The following CSMD1 variants were observed in gnomAD, a reference collection of about 807,000 sequenced individuals.
The protein encoded by CSMD1 is CUB and Sushi multiple domains 1, also known as CUB and sushi domain-containing protein 1.
Under a neutral mutation model 417.5 loss-of-function variants are expected in CSMD1, and 213 were observed. The observed-to-expected ratio is 0.51, with a 90% CI of 0.46 to 0.57. CSMD1 has a LOEUF of 0.57. Among genes scored for constraint, CSMD1 ranks in the 20% least tolerant of loss-of-function variants. The pLI is 0.00. For missense variants in CSMD1, 6,923 were observed against 4,529.7 expected, an observed-to-expected ratio of 1.53 and a Z score of -15.17; for synonymous variants, 2,862 against 1,736.8, an observed-to-expected ratio of 1.65 and a Z score of -16.11.
intron 3 of CSMD1, among the ~76,000 whole-genome samples, chr8:4,076,893 G>T (rs1008906665): frequency 1.3e-5 from 2 of 152,002 alleles, no homozygotes; most frequent in South Asian, 2.1e-4. Flanking sequence ...CCAGTCTGAA[G>T]AACTACTGAA....
At chr8:3,618,086 C>G (rs1297577531) in intron 7 of CSMD1, among the ~76,000 whole-genome samples, 1 of 152,102 alleles carries the variant, frequency 6.6e-6, no homozygotes, top group Non-Finnish European at 1.5e-5. Context: ...ACTGCAGCCT[C>G]AACCTCCCAG....
At chr8:3,037,293 C>CTCCAT (rs371652197) in intron 50 of CSMD1, among the ~76,000 whole-genome samples, 25,127 of 138,694 alleles carry the variant, frequency 0.18, 2,882 homozygotes, top group Non-Finnish European at 0.25. Flanking sequence ...GCAAGCTCCG[C>CTCCAT]CTCCTGGGTT....
chr8:4,017,336 G>C (rs561763583), intron 4 of CSMD1, among the ~76,000 whole-genome samples: 1 of 151,896 alleles, frequency 6.6e-6, no homozygotes, highest in Non-Finnish European at 1.5e-5. Context: ...ACAAAGTTTC[G>C]CTCTTGTTGC....
At chr8:3,773,588 A>G (rs983929526) in intron 5 of CSMD1, among the ~76,000 whole-genome samples, 5 of 152,124 alleles carry the variant, frequency 3.3e-5, no homozygotes, top group Admixed American at 6.6e-5. Flanking sequence ...CACCCGTCCT[A>G]TAATAGGTAT....
intron 5 of CSMD1, among the ~76,000 whole-genome samples, chr8:3,980,891 T>C (rs927364125): frequency 2.6e-5 from 4 of 152,174 alleles, no homozygotes; most frequent in African/African-American, 7.2e-5. Flanking sequence ...ACTGTTTTTA[T>C]TTTCAGGCTA....
chr8:4,326,162 A>T (rs1056477290), intron 3 of CSMD1, among the ~76,000 whole-genome samples: 3 of 152,116 alleles, frequency 2.0e-5, no homozygotes, highest in African/African-American at 7.2e-5. Flanking sequence ...TGTGCCAGAG[A>T]ATTTGGCTTT....
chr8:4,940,780 G>A (rs1415939553), intron 1 of CSMD1, among the ~76,000 whole-genome samples: 3 of 151,996 alleles, frequency 2.0e-5, no homozygotes, highest in Non-Finnish European at 4.4e-5. Context: ...AAATGAGGGG[G>A]CAAAAAAATT....
chr8:4,158,002 C>A (rs1479061255), intron 3 of CSMD1, among the ~76,000 whole-genome samples: 1 of 152,124 alleles, frequency 6.6e-6, no homozygotes, highest in Admixed American at 6.5e-5. Context: ...CCCTTTCCTG[C>A]TCAACTGCCC....
chr8:3,714,375 T>C (rs1468838780), intron 6 of CSMD1, among the ~76,000 whole-genome samples: 1 of 150,794 alleles, frequency 6.6e-6, no homozygotes, highest in Admixed American at 6.6e-5. Flanking sequence ...TCACAGCAAA[T>C]GGAATTTCCA....
At chr8:4,467,415 C>G (rs367633494) in intron 2 of CSMD1, among the ~76,000 whole-genome samples, 2 of 151,614 alleles carry the variant, frequency 1.3e-5, no homozygotes, top group African/African-American at 4.9e-5. Context: ...TCTCTTTTTC[C>G]GTCTTAGACT....
At chr8:4,875,888 A>T (rs1266469578) in intron 1 of CSMD1, among the ~76,000 whole-genome samples, 6 of 152,228 alleles carry the variant, frequency 3.9e-5, no homozygotes, top group African/African-American at 1.4e-4. Context: ...CATTTAGTGA[A>T]TATTTAATTA....
At chr8:4,849,807 T>C (rs945767223) in intron 1 of CSMD1, among the ~76,000 whole-genome samples, 2 of 152,210 alleles carry the variant, frequency 1.3e-5, no homozygotes, top group African/African-American at 2.4e-5. Flanking sequence ...TTGATGAAAT[T>C]GCCTAACAAA....
In CSMD1 at chr8:3,210,045, C is replaced by T. The variant is rs111383039; in HGVS notation, c.4868-4425G>A. Among the ~76,000 whole-genome samples, 495 of 152,266 alleles carry T rather than the reference C, an allele frequency of 3.3e-3. 5 individuals carry two copies. The highest frequency in any genetic ancestry group is 0.011 in the African/African-American group (461 of 41,558). ...AATAACCAGGAAAAACATTACCCCA[C>T]GCATCTAAAACAAACTGCCCCAAAA... On this transcript the variant is annotated intron_variant, in intron 30 of 69. Coordinates refer to ENST00000635120, the MANE Select transcript of CSMD1 (RefSeq NM_033225.6).
intron 10 of CSMD1, among the ~76,000 whole-genome samples, chr8:3,512,293 A>G (rs1471274838): frequency 6.6e-6 from 1 of 152,240 alleles, no homozygotes; most frequent in Non-Finnish European, 1.5e-5. Flanking sequence ...TTGAAGATGC[A>G]GTGCTGAGTT....
chr8:3,505,247 T>C (rs1796775339), intron 10 of CSMD1, among the ~76,000 whole-genome samples: 1 of 152,180 alleles, frequency 6.6e-6, no homozygotes, highest in Non-Finnish European at 1.5e-5. Context: ...ACCAGAACAC[T>C]GTTAGATGCG....
chr8:3,811,423 G>C (rs1165381138), intron 5 of CSMD1, among the ~76,000 whole-genome samples: 1 of 152,166 alleles, frequency 6.6e-6, no homozygotes, highest in Non-Finnish European at 1.5e-5. Context: ...TTTGCTTCAT[G>C]TTCGACTTAC....
At chr8:4,897,904 G>A (rs999445637) in intron 1 of CSMD1, among the ~76,000 whole-genome samples, 1 of 152,006 alleles carries the variant, frequency 6.6e-6, no homozygotes, top group Non-Finnish European at 1.5e-5. Context: ...AGCAAGGCGT[G>A]GCTTTGTTAA....
intron 1 of CSMD1, among the ~76,000 whole-genome samples, chr8:4,669,752 G>A (rs193256854): frequency 2.0e-5 from 3 of 151,968 alleles, no homozygotes. Context: ...ACCTTCTTAG[G>A]GTCAGAGGTA....
chr8:3,708,803 T>C (rs999067394), intron 6 of CSMD1, among the ~76,000 whole-genome samples: 1 of 152,158 alleles, frequency 6.6e-6, no homozygotes, highest in Non-Finnish European at 1.5e-5. Context: ...TCATTATCAT[T>C]CCCCAAATTG....
Sources: gnomAD v4.1 joint callset for allele counts (sites outside exome capture counted in the v4.1 genomes callset) on GRCh38, gnomAD v4.1.1 for gene constraint, MANE v1.5 for transcripts, NCBI Gene and HGNC (gene_info 2026-07-23, HGNC 2026-07-21) for gene names.